The following PKN2 variants were observed in gnomAD, a reference collection of about 807,000 sequenced individuals.
The protein encoded by PKN2 is protein kinase N2.
Under a neutral mutation model 119.1 loss-of-function variants are expected in PKN2, and 38 were observed. The observed-to-expected ratio is 0.32, with a 90% CI of 0.25 to 0.42. The LOEUF (loss-of-function observed/expected upper bound fraction) is 0.42. PKN2 is among the 10% of genes least tolerant of loss of function. The pLI, the probability that PKN2 is intolerant of heterozygous loss-of-function variation, is 1.00. For missense variants in PKN2, 850 were observed against 1,165.1 expected, an observed-to-expected ratio of 0.73 and a Z score of 3.94; for synonymous variants, 390 against 384.9, an observed-to-expected ratio of 1.01 and a Z score of -0.15.
chr1:88,728,836 G>A (rs1001149517), intron 1 of PKN2, among the ~76,000 whole-genome samples: 8 of 149,802 alleles, frequency 5.3e-5, no homozygotes, highest in African/African-American at 2.0e-4. Flanking sequence ...TATAGATCAT[G>A]TCTTTTTCCC....
intron 8 of PKN2, among the ~76,000 whole-genome samples, chr1:88,797,772 T>C (rs1461277117): frequency 6.6e-6 from 1 of 152,208 alleles, no homozygotes; most frequent in East Asian, 1.9e-4. Context: ...GTAGACATTT[T>C]AGCTTTTTCT....
At chr1:88,782,184 T>C (rs1296192723) in intron 6 of PKN2, among the ~76,000 whole-genome samples, 1 of 152,092 alleles carries the variant, frequency 6.6e-6, no homozygotes, top group Non-Finnish European at 1.5e-5. Context: ...TCTCCTGCCA[T>C]CTTAATCTTT....
chr1:88,699,080 T>A (rs1178210039), intron 1 of PKN2, among the ~76,000 whole-genome samples: 1 of 152,122 alleles, frequency 6.6e-6, no homozygotes, highest in Non-Finnish European at 1.5e-5. Flanking sequence ...CTTCCTTCCT[T>A]CTTTCCTGTT....
chr1:88,786,856 T>A (rs1670598567), intron 8 of PKN2, among the ~76,000 whole-genome samples: 1 of 151,906 alleles, frequency 6.6e-6, no homozygotes, highest in African/African-American at 2.4e-5. Flanking sequence ...TTCTAAAAAT[T>A]AATTATGTTA....
At chr1:88,761,477 C>T (rs1669439357) in intron 3 of PKN2, among the ~76,000 whole-genome samples, 1 of 151,398 alleles carries the variant, frequency 6.6e-6, no homozygotes, top group South Asian at 2.1e-4. Context: ...TAACTACTCA[C>T]CCCAAATGAA....
At chr1:88,784,328 GC>G in intron 6 of PKN2, among the ~76,000 whole-genome samples, 1 of 151,698 alleles carries the variant, frequency 6.6e-6, no homozygotes, top group East Asian at 1.9e-4. Context: ...TTGCCATGTT[GC>G]CCAGGCTGGT....
intron 1 of PKN2, among the ~76,000 whole-genome samples, chr1:88,709,148 G>A (rs1323902580): frequency 2.0e-5 from 3 of 151,872 alleles, no homozygotes; most frequent in Admixed American, 1.3e-4. Flanking sequence ...CCGCTTCCCG[G>A]GTACAAGTGA....
At chr1:88,793,032 TTTAAATGGATACTG>T (rs1670909425) in intron 8 of PKN2, among the ~76,000 whole-genome samples, 1 of 152,198 alleles carries the variant, frequency 6.6e-6, no homozygotes, top group South Asian at 2.1e-4. Flanking sequence ...TACATAGTGT[TTTAAATGGATACTG>T]TTGACACTTG....
chr1:88,796,066 C>T (rs1671051599), intron 8 of PKN2, among the ~76,000 whole-genome samples: 1 of 152,178 alleles, frequency 6.6e-6, no homozygotes, highest in African/African-American at 2.4e-5. Flanking sequence ...ATACGCAAGG[C>T]AGTTTGATCC....
chr1:88,752,997 A>G (rs1204795519), intron 2 of PKN2, among the ~76,000 whole-genome samples: 1 of 152,058 alleles, frequency 6.6e-6, no homozygotes, highest in South Asian at 2.1e-4. Context: ...TTTAAGAATC[A>G]ATTATTAAAA....
At chr1:88,714,875 T>C (rs1667381696) in intron 1 of PKN2, among the ~76,000 whole-genome samples, 1 of 152,154 alleles carries the variant, frequency 6.6e-6, no homozygotes, top group Admixed American at 6.5e-5. Flanking sequence ...ATTCTTTCAG[T>C]TTTTGCCCAT....
chr1:88,721,503 A>G (rs536303184), intron 1 of PKN2, among the ~76,000 whole-genome samples: 4 of 152,138 alleles, frequency 2.6e-5, no homozygotes, highest in Non-Finnish European at 5.9e-5. Flanking sequence ...AATTCCAGGG[A>G]TGGGAGAAGG....
At chr1:88,765,172 G>A (rs999226295) in intron 3 of PKN2, among the ~76,000 whole-genome samples, 1 of 151,260 alleles carries the variant, frequency 6.6e-6, no homozygotes, top group Admixed American at 6.6e-5. Context: ...CAAGTGATCC[G>A]CCCGCCTGGC....
intron 15 of PKN2, among the ~76,000 whole-genome samples, chr1:88,808,884 T>C (rs1671669383): frequency 6.6e-6 from 1 of 152,164 alleles, no homozygotes; most frequent in African/African-American, 2.4e-5. Context: ...TGCTCCTCCT[T>C]AGTAAGGATT....
At position 88,833,134 on chromosome 1, in the gene PKN2, G is replaced by A. The variant is rs370300406; in HGVS notation, c.2728G>A (p.Val910Ile). The A allele has an allele frequency of 1.2e-6, 2 of 1,612,924 alleles. No individual in the cohort carries two copies. The highest frequency in any genetic ancestry group is 2.2e-5 in the East Asian group (1 of 44,816). Reference protein sequence around the residue: ...LGASEKDAEDVKKHPFFRLID... With the variant: ...LGASEKDAEDIKKHPFFRLID... The stretch of plus-strand genomic sequence containing the variant: ...GGCTAGCGAGAAAGATGCAGAGGAT[G>A]TAAAAAAGCACCCATTTTTCCGGGT... The change falls in exon 21 of 22, where the codon GTA (valine) becomes ATA (isoleucine). Residue 910 changes from valine to isoleucine, a missense_variant. This residue lies in a region of PKN2 where 95 missense variants were observed against 150.2 expected (regional missense o/e 0.63). Coordinates refer to ENST00000370521, the MANE Select transcript of PKN2 (RefSeq NM_006256.4).
intron 1 of PKN2, among the ~76,000 whole-genome samples, chr1:88,689,768 G>A (rs1570477187): frequency 2.6e-5 from 4 of 152,288 alleles, no homozygotes; most frequent in Admixed American, 6.5e-5. Context: ...CTGAGATCAC[G>A]CAACTGCACT....
At chr1:88,803,354 G>A (rs1023877839) in intron 8 of PKN2, among the ~76,000 whole-genome samples, 5 of 151,654 alleles carry the variant, frequency 3.3e-5, no homozygotes, top group African/African-American at 7.3e-5. Context: ...ATACCAAAAC[G>A]TTACATAATG....
At position 88,770,345 on chromosome 1, in the gene PKN2, T is replaced by A; in HGVS notation, c.505-7T>A. ...TGCTTAATTTTTCAAACTTATTTTTTTAATAGGATCGGAAACTCCATGGTA... is the reference window on the plus strand; with the variant it reads ...TGCTTAATTTTTCAAACTTATTTTTATAATAGGATCGGAAACTCCATGGTA... On this transcript the variant is annotated splice_region_variant and splice_polypyrimidine_tract_variant and intron_variant, in intron 3 of 21. Coordinates refer to ENST00000370521, the MANE Select transcript of PKN2 (RefSeq NM_006256.4). The A allele has an allele frequency of 1.3e-6, 2 of 1,563,190 alleles. No homozygotes were observed. Among genetic ancestry groups the A allele is most frequent in the South Asian group, 1.1e-5 (1 of 89,844 alleles).
At chr1:88,820,389 T>C (rs10922490) in intron 16 of PKN2, among the ~76,000 whole-genome samples, 16,726 of 149,972 alleles carry the variant, frequency 0.11, 1,944 homozygotes, top group African/African-American at 0.3. Flanking sequence ...CAAAATTAGC[T>C]GGGCGTGGTG....
Sources: allele counts gnomAD v4.1 joint callset (sites outside exome capture counted in the v4.1 genomes callset), GRCh38; gene constraint gnomAD v4.1.1; regional missense constraint gnomAD v4.1.1; transcripts MANE v1.5; gene names NCBI Gene and HGNC (gene_info 2026-07-23, HGNC 2026-07-21).